TRIM37: variants seen among roughly 807,000 people sequenced by gnomAD.
TRIM37 encodes the protein E3 ubiquitin-protein ligase TRIM37.
A neutral mutation model predicts 129.8 loss-of-function variants in TRIM37; 80 were observed. That is an observed-to-expected ratio of 0.62 (90% CI 0.51 to 0.74). TRIM37 has a LOEUF of 0.74. TRIM37 is among the 30% of genes least tolerant of loss of function. The probability of loss-of-function intolerance (pLI) is 0.00; values close to 1 mark genes in which losing one functional copy is unlikely to be tolerated. For missense variants in TRIM37, 1,054 were observed against 1,176.5 expected (o/e 0.90, Z 1.52); for synonymous variants, 389 against 387.1 (o/e 1.00, Z -0.06).
the TRIM37 span, among the ~76,000 whole-genome samples, chr17:58,974,857 A>G: frequency 6.6e-6 from 1 of 152,212 alleles, no homozygotes; most frequent in African/African-American, 2.4e-5. Flanking sequence ...AAATATGAGT[A>G]GAAAGCTGAA....
At chr17:59,003,204 G>T (rs572288344) in intron 22 of TRIM37, among the ~76,000 whole-genome samples, 4 of 152,228 alleles carry the variant, frequency 2.6e-5, no homozygotes, top group African/African-American at 9.6e-5. Context: ...TGAAAGAACA[G>T]ACTAGAAAAA....
At chr17:59,081,375 G>A (rs574243143) in intron 5 of TRIM37, among the ~76,000 whole-genome samples, 156 bp from the exon 6 acceptor site, 7 of 152,216 alleles carry the variant, frequency 4.6e-5, no homozygotes, top group South Asian at 2.1e-4. Context: ...GCCAGTGCCC[G>A]CTTAAAATCA....
At chr17:59,087,690 G>A (rs2043895772) in intron 4 of TRIM37, among the ~76,000 whole-genome samples, 1 of 152,000 alleles carries the variant, frequency 6.6e-6, no homozygotes, top group African/African-American at 2.4e-5. Flanking sequence ...GCTTTACCAT[G>A]TTGTGACTCT....
intron 19 of TRIM37, among the ~76,000 whole-genome samples, chr17:59,020,901 C>A (rs539784346): frequency 6.6e-6 from 1 of 152,142 alleles, no homozygotes; most frequent in Non-Finnish European, 1.5e-5. Context: ...AAAACCACTA[C>A]GGAAAACAGT....
In TRIM37 at chr17:59,079,854, T is replaced by C. The variant is rs778374241; in HGVS notation, c.516A>G (p.Arg172=). Residue 172 remains arginine, a synonymous_variant, in exon 7 of 24, where the codon AGA becomes AGG. Coordinates refer to ENST00000262294, the MANE Select transcript of TRIM37 (RefSeq NM_015294.6). ...CCCGAACACGCTCATCTTTTGCATTTCTTACAGCTTCTACATTCCTTTCCT... is the reference window on the plus strand; with the variant it reads ...CCCGAACACGCTCATCTTTTGCATTCCTTACAGCTTCTACATTCCTTTCCT... ...QEVERNVEAV[R]NAKDERVREI... is the part of the protein sequence containing the mutation. 6.2e-7 allele frequency: 1 copy of C among 1,614,048 alleles called. No homozygotes were observed. Among genetic ancestry groups the C allele is most frequent in the South Asian group, 1.1e-5 (1 of 91,082 alleles).
chr17:58,992,271 ATATATATATTTATATT>A (rs905396136), intron 24 of TRIM37, among the ~76,000 whole-genome samples: 13 of 144,000 alleles, frequency 9.0e-5, no homozygotes, highest in African/African-American at 2.8e-4. Context: ...AAATATAAAT[ATATATATATTTATATT>A]TATATATATT....
intron 13 of TRIM37, among the ~76,000 whole-genome samples, chr17:59,055,174 T>A (rs2040718883): frequency 6.6e-6 from 1 of 151,406 alleles, no homozygotes; most frequent in Admixed American, 6.6e-5. Flanking sequence ...CCATCTCTAC[T>A]AAAAGTACAA....
chr17:59,021,112 T>C (rs1055544889), intron 19 of TRIM37, among the ~76,000 whole-genome samples: 6 of 152,188 alleles, frequency 3.9e-5, no homozygotes, highest in Non-Finnish European at 8.8e-5. Context: ...AAATGTTAGG[T>C]TGGGCGTGGT....
intron 17 of TRIM37, among the ~76,000 whole-genome samples, chr17:59,034,958 A>G (rs931172379): frequency 6.6e-6 from 1 of 152,234 alleles, no homozygotes; most frequent in Non-Finnish European, 1.5e-5. Flanking sequence ...TAAAAGTAGT[A>G]ACAGAGTATG....
intron 12 of TRIM37, among the ~76,000 whole-genome samples, chr17:59,060,585 A>T (rs1379275194): frequency 6.6e-6 from 1 of 152,212 alleles, no homozygotes; most frequent in Non-Finnish European, 1.5e-5. Flanking sequence ...CTCCTTGTCA[A>T]AAAGTACATT....
chr17:59,016,231 T>C (rs1420825307), intron 20 of TRIM37, among the ~76,000 whole-genome samples: 1 of 150,486 alleles, frequency 6.6e-6, no homozygotes, highest in Non-Finnish European at 1.5e-5. Context: ...CCATCTCTAC[T>C]ACAAATACAA....
At chr17:59,014,737 G>A (rs1011887709) in intron 21 of TRIM37, among the ~76,000 whole-genome samples, 14 of 149,652 alleles carry the variant, frequency 9.4e-5, no homozygotes, top group Admixed American at 6.7e-4. Context: ...AAGGCTGACC[G>A]CCCCCCTACC....
intron 13 of TRIM37, among the ~76,000 whole-genome samples, chr17:59,052,561 G>T (rs973916916): frequency 6.6e-6 from 1 of 152,058 alleles, no homozygotes; most frequent in Non-Finnish European, 1.5e-5. Flanking sequence ...TAAAACAACA[G>T]TCCTATTTAA....
At position 59,051,235 on chromosome 17, in the gene TRIM37, T is replaced by C. The variant is rs773451820; in HGVS notation, c.1293A>G (p.Gln431=). Residue 431 remains glutamine, a synonymous_variant, in exon 14 of 24, where the codon CAA becomes CAG. Coordinates refer to ENST00000262294, the MANE Select transcript of TRIM37 (RefSeq NM_015294.6). ...TTACCTCTTTAAGGTTGTTTATTTG[T>C]TGGATATAACTAGTCTGTGCAGCTT... is the stretch of plus-strand genomic sequence containing the variant. ...QLEAAQTSYI[Q]QINNLKERLT... 6.2e-7 allele frequency: 1 copy of C among 1,611,762 alleles called. No homozygotes were observed. Among genetic ancestry groups the C allele is most frequent in the Non-Finnish European group, 8.5e-7 (1 of 1,177,914 alleles).
intron 22 of TRIM37, among the ~76,000 whole-genome samples, chr17:59,007,404 AT>A (rs1449332050): frequency 4.6e-5 from 7 of 152,124 alleles, no homozygotes; most frequent in African/African-American, 1.7e-4. Flanking sequence ...AGGCATCTTA[AT>A]AATTACCCTA....
intron 9 of TRIM37, among the ~76,000 whole-genome samples, chr17:59,066,984 A>C (rs920693606): frequency 6.6e-6 from 1 of 152,148 alleles, no homozygotes; most frequent in Non-Finnish European, 1.5e-5. Flanking sequence ...TTGCTCAAAA[A>C]TTTCTTTTGC....
chr17:58,969,876 G>A, the TRIM37 span: 1 of 746,974 alleles, frequency 1.3e-6, no homozygotes, highest in African/African-American at 1.8e-5. Flanking sequence ...TTCTGTTGTA[G>A]TTCCAATTCC....
intron 7 of TRIM37, among the ~76,000 whole-genome samples, chr17:59,077,171 T>C (rs2042880960): frequency 6.6e-6 from 1 of 151,944 alleles, no homozygotes; most frequent in Non-Finnish European, 1.5e-5. Context: ...CTCGGCTCAC[T>C]GCAACCTCCA....
rs771052261 is a variant in TRIM37 at position 58,999,422 on chromosome 17, G to A, written c.2850C>T (p.Gly950=). ...HSSFPDGEQI[G]PEDLSFNTDE... ...CTGTATTGAAGCTGAGATCTTCAGG[G>A]CCTATTTGTTCACCATCAGGAAAAC... Residue 950 remains glycine (G), a synonymous_variant, in exon 24 of 24, where the codon GGC becomes GGT. Coordinates refer to ENST00000262294, the MANE Select transcript of TRIM37 (RefSeq NM_015294.6). 5.0e-6 allele frequency: 8 copies of A among 1,613,636 alleles called. 1 individual carries two copies. The South Asian group carries it at 7.7e-5, about 16-fold the overall frequency.
Sources: allele counts gnomAD v4.1 joint callset (sites outside exome capture counted in the v4.1 genomes callset), GRCh38; gene constraint gnomAD v4.1.1; transcripts MANE v1.5; gene names NCBI Gene and HGNC (gene_info 2026-07-23, HGNC 2026-07-21).